The following NOS1 variants were observed in gnomAD, a reference collection of about 807,000 sequenced individuals.
NOS1 encodes the protein nitric oxide synthase 1, also known as NOS type I.
Under a neutral mutation model 164.5 loss-of-function variants are expected in NOS1, and 51 were observed. The observed-to-expected ratio is 0.31, with a 90% CI of 0.25 to 0.39. The LOEUF is 0.39. NOS1 is among the 10% of genes least tolerant of loss of function. NOS1 has a pLI of 1.00. For synonymous variants in NOS1, 719 were observed against 745.8 expected, an observed-to-expected ratio of 0.96 and a Z score of 0.59; for missense variants, 1,362 against 1,885.6, an observed-to-expected ratio of 0.72 and a Z score of 5.14.
intron 20 of NOS1, among the ~76,000 whole-genome samples, chr12:117,242,148 C>G: frequency 6.6e-6 from 1 of 152,166 alleles, no homozygotes; most frequent in East Asian, 1.9e-4. Flanking sequence ...GGATATTAAG[C>G]TAATTTCTAA....
chr12:117,256,025 G>C, intron 16 of NOS1: 1 of 1,445,850 alleles, frequency 6.9e-7, no homozygotes, highest in Non-Finnish European at 9.1e-7. Context: ...AGAAACGCAA[G>C]GGTTCCGGGT....
At chr12:117,359,306 C>T (rs1877006481) in intron 1 of NOS1, among the ~76,000 whole-genome samples, 1 of 152,232 alleles carries the variant, frequency 6.6e-6, no homozygotes, top group South Asian at 2.1e-4. Flanking sequence ...TGGACGCGAC[C>T]CCTGCGCACT....
intron 7 of NOS1, among the ~76,000 whole-genome samples, chr12:117,281,560 G>T (rs1412210429): frequency 1.4e-5 from 2 of 143,532 alleles, no homozygotes; most frequent in Non-Finnish European, 3.0e-5. Flanking sequence ...TACAGGCCAG[G>T]CATGGTGGCT....
intron 1 of NOS1, among the ~76,000 whole-genome samples, chr12:117,337,597 T>A (rs994762563): frequency 6.6e-6 from 1 of 152,100 alleles, no homozygotes; most frequent in African/African-American, 2.4e-5. Flanking sequence ...TCTTAAAGTT[T>A]TCCCTTTTAA....
intron 3 of NOS1, among the ~76,000 whole-genome samples, chr12:117,298,141 G>A (rs976431351): frequency 1.3e-5 from 2 of 151,820 alleles, no homozygotes; most frequent in Non-Finnish European, 1.5e-5. Context: ...CAATCAGTGG[G>A]AGCACTGAGC....
In NOS1 at chr12:117,214,942, G is replaced by A. The variant is rs9658559; in HGVS notation, c.*367C>T. ...AGTGGCTGAGGGACTGGCTCAGAGA[G>A]CTTGTGCCTAGTTCCTGCAGCCTTT... On this transcript the variant is annotated 3_prime_UTR_variant, in exon 29 of 29. Transcript: ENST00000317775. 1.9e-3 allele frequency: 2,041 copies of A among 1,049,676 alleles called. 29 individuals are homozygous for A. In the African/African-American group the frequency reaches 0.031, roughly 16 times the overall value. 65.0% of individuals were successfully genotyped at this position (1,049,676 alleles called of 1,614,324 possible). A position where few individuals can be genotyped will look rare whatever the true frequency, so the allele number is the denominator to read the frequency against.
At chr12:117,261,724 G>A (rs555588326) in intron 13 of NOS1, among the ~76,000 whole-genome samples, 1 of 152,246 alleles carries the variant, frequency 6.6e-6, no homozygotes, top group South Asian at 2.1e-4. Flanking sequence ...AGGCTGAGGC[G>A]GGAGGATCAC....
Position 117,215,141 on chromosome 12 carries a change from A to G in NOS1, c.*168T>C, listed in dbSNP as rs1956584646. 7.6e-7 allele frequency: 1 copy of G among 1,319,092 alleles called. No homozygotes were observed. Among genetic ancestry groups the G allele is most frequent in the Non-Finnish European group, 9.8e-7 (1 of 1,025,308 alleles). 81.7% of individuals were successfully genotyped at this position (1,319,092 alleles called of 1,614,324 possible). A position where few individuals can be genotyped will look rare whatever the true frequency, so the allele number is the denominator to read the frequency against. On this transcript the variant is annotated 3_prime_UTR_variant, in exon 29 of 29. Transcript: ENST00000317775. ...GCAGGAAAACTCAAGGAGTAAACCCAGGAGGGCCGAGGAAACCACTGAGGG... is the reference window on the plus strand; with the variant it reads ...GCAGGAAAACTCAAGGAGTAAACCCGGGAGGGCCGAGGAAACCACTGAGGG...
intron 25 of NOS1, 50 bp from the exon 26 acceptor site, chr12:117,222,913 C>T (rs1428564649): frequency 6.3e-7 from 1 of 1,589,178 alleles, no homozygotes; most frequent in East Asian, 2.2e-5. Flanking sequence ...GCCTGATGTG[C>T]AGGGTGGCTG....
At chr12:117,314,190 T>C (rs763780788) in intron 2 of NOS1, among the ~76,000 whole-genome samples, 40 of 152,224 alleles carry the variant, frequency 2.6e-4, no homozygotes, top group Non-Finnish European at 4.7e-4. Flanking sequence ...AGAGGGAACA[T>C]TCTGTTTTAC....
intron 15 of NOS1, among the ~76,000 whole-genome samples, chr12:117,258,701 C>A (rs565892978): frequency 6.6e-6 from 1 of 152,140 alleles, no homozygotes; most frequent in African/African-American, 2.4e-5. Context: ...CCCGTTGGAG[C>A]CTTCCTTCTA....
At chr12:117,247,934 A>C (rs986188886) in intron 17 of NOS1, among the ~76,000 whole-genome samples, 5 of 147,250 alleles carry the variant, frequency 3.4e-5, no homozygotes, top group Non-Finnish European at 7.4e-5. Context: ...TGACAGAGCG[A>C]GACTCCGTCT....
At chr12:117,304,491 A>T (rs1720942232) in intron 3 of NOS1, among the ~76,000 whole-genome samples, 1 of 152,154 alleles carries the variant, frequency 6.6e-6, no homozygotes, top group East Asian at 1.9e-4. Flanking sequence ...CCCCACACAC[A>T]TCCGTGAGGG....
intron 24 of NOS1, 148 bp from the exon 25 acceptor site, chr12:117,225,285 G>T (rs758812490): frequency 5.0e-5 from 52 of 1,045,048 alleles, no homozygotes; most frequent in Non-Finnish European, 6.4e-5. Flanking sequence ...CCTTTCCAGG[G>T]TGGGAGTCTC....
chr12:117,262,843 T>A (rs1872050094), intron 13 of NOS1, among the ~76,000 whole-genome samples: 2 of 152,182 alleles, frequency 1.3e-5, no homozygotes, highest in African/African-American at 2.4e-5. Context: ...GCTGGTCCTC[T>A]GGCTGGTCAG....
chr12:117,211,789 G>C lies in NOS1; in HGVS notation c.*3520C>G. On this transcript the variant is annotated 3_prime_UTR_variant, in exon 29 of 29. Coordinates refer to ENST00000317775, the MANE Select transcript of NOS1 (RefSeq NM_000620.5). ...TCCATCAGATTATAACCTTTGGCTGGGCGTGGTGGCTCATGCCTGTAATCC... is the reference window on the plus strand; with the variant it reads ...TCCATCAGATTATAACCTTTGGCTGCGCGTGGTGGCTCATGCCTGTAATCC... 11 of 985,446 alleles carry C rather than the reference G, an allele frequency of 1.1e-5. No homozygotes were observed. The highest frequency in any genetic ancestry group is 1.3e-5 in the Non-Finnish European group (11 of 829,974). The allele number at this position is 985,446 out of a possible 1,614,324, so 61.0% of individuals were successfully genotyped here. A position where few individuals can be genotyped will look rare whatever the true frequency, so the allele number is the denominator to read the frequency against.
chr12:117,259,658 T>C (rs1008167521), intron 14 of NOS1, among the ~76,000 whole-genome samples: 2 of 152,174 alleles, frequency 1.3e-5, no homozygotes, highest in Admixed American at 6.5e-5. Context: ...GCAACATTTC[T>C]CAAAATAGGT....
intron 1 of NOS1, among the ~76,000 whole-genome samples, chr12:117,344,968 A>G (rs1210993815): frequency 3.9e-5 from 6 of 151,950 alleles, no homozygotes; most frequent in Admixed American, 6.5e-5. Flanking sequence ...CAGAACGAAG[A>G]TCAAACGCGG....
At chr12:117,233,811 A>G (rs1869467803) in intron 21 of NOS1, among the ~76,000 whole-genome samples, 1 of 149,346 alleles carries the variant, frequency 6.7e-6, no homozygotes, top group African/African-American at 2.4e-5. Flanking sequence ...TCTGTCTCAA[A>G]AAAAAAAAAA....
Sources: allele counts gnomAD v4.1 joint callset (sites outside exome capture counted in the v4.1 genomes callset), GRCh38; gene constraint gnomAD v4.1.1; transcripts MANE v1.5; gene names NCBI Gene and HGNC (gene_info 2026-07-23, HGNC 2026-07-21).